Variants in STK38L observed in about 807,000 individuals in gnomAD.
The protein encoded by STK38L is serine/threonine-protein kinase 38-like.
A neutral mutation model predicts 59.7 loss-of-function variants in STK38L; 28 were observed. The ratio of observed to expected loss-of-function variants is 0.47; its 90% CI spans 0.35 to 0.64. The LOEUF is 0.64. Among genes scored for constraint, STK38L ranks in the 30% least tolerant of loss-of-function variants. The pLI is 0.01. For missense variants in STK38L, 314 were observed against 555.8 expected (o/e 0.56, Z 4.37); for synonymous variants, 162 against 176.8 (o/e 0.92, Z 0.66).
chr12:27,302,465 T>C (rs1944198622), intron 3 of STK38L: 1 of 236,376 alleles, frequency 4.2e-6, no homozygotes, highest in South Asian at 1.5e-4. Flanking sequence ...AATCAATCGT[T>C]AGCTTTTCTA....
chr12:27,257,512 C>T (rs931939266), intron 1 of STK38L, among the ~76,000 whole-genome samples: 1 of 152,220 alleles, frequency 6.6e-6, no homozygotes, highest in Non-Finnish European at 1.5e-5. Flanking sequence ...CTATAACCTA[C>T]TCACTTTTGA....
At chr12:27,291,690 C>T (rs1452897502) in intron 1 of STK38L, among the ~76,000 whole-genome samples, 1 of 152,152 alleles carries the variant, frequency 6.6e-6, no homozygotes, top group African/African-American at 2.4e-5. Context: ...TCGTTAGGGA[C>T]CCAGTTTATA....
At chr12:27,268,419 T>C (rs1483308042) in intron 1 of STK38L, among the ~76,000 whole-genome samples, 2 of 152,216 alleles carry the variant, frequency 1.3e-5, no homozygotes, top group Non-Finnish European at 2.9e-5. Context: ...GTTTCCAGCT[T>C]CATCCATGTC....
chr12:27,317,760 A>G (rs1944621610), intron 10 of STK38L, 136 bp from the exon 11 acceptor site: 1 of 1,072,944 alleles, frequency 9.3e-7, no homozygotes, highest in East Asian at 2.4e-5. Flanking sequence ...GTGATTGTAA[A>G]TTGATGAATG....
chr12:27,298,241 C>G (rs1320420258), intron 2 of STK38L: 1 of 155,422 alleles, frequency 6.4e-6, no homozygotes, highest in East Asian at 1.9e-4. Context: ...AGTTCAAGAC[C>G]AGCCTGGCCA....
At chr12:27,246,265 G>A (rs1232907374) in intron 1 of STK38L, among the ~76,000 whole-genome samples, 1 of 152,170 alleles carries the variant, frequency 6.6e-6, no homozygotes, top group Non-Finnish European at 1.5e-5. Flanking sequence ...TTGTGTTAGT[G>A]AAATTGGATA....
intron 10 of STK38L, chr12:27,317,664 G>A (rs1310120148): frequency 1.1e-5 from 8 of 710,730 alleles, no homozygotes; most frequent in East Asian, 5.5e-5. Flanking sequence ...AAACTCCCAC[G>A]TATAAAAGTG....
chr12:27,267,578 G>T (rs989407791), intron 1 of STK38L, among the ~76,000 whole-genome samples: 5 of 152,208 alleles, frequency 3.3e-5, no homozygotes, highest in Admixed American at 6.5e-5. Context: ...TTCTGCATGT[G>T]CAGGAGTATT....
intron 1 of STK38L, among the ~76,000 whole-genome samples, chr12:27,291,722 A>T (rs1260041113): frequency 6.6e-6 from 1 of 152,212 alleles, no homozygotes; most frequent in Non-Finnish European, 1.5e-5. Flanking sequence ...CTGAGGACTT[A>T]TTGTAGCCTA....
Position 27,302,131 on chromosome 12 carries a change from GA to G in STK38L, c.135-2del, listed in dbSNP as rs1193785680. On this transcript the variant is annotated splice_region_variant and splice_polypyrimidine_tract_variant and intron_variant, in intron 2 of 13. Coordinates refer to ENST00000389032, the MANE Select transcript of STK38L (RefSeq NM_015000.4). ...TTAAAATTTAATTTTTTTTTCCTTT[GA>G]AAAGGCAGAAGAAATTAGAAGTGGC... is the stretch of plus-strand genomic sequence containing the variant. The G allele has an allele frequency of 6.3e-7, 1 of 1,590,612 alleles. No individual in the cohort carries two copies. The highest frequency in any genetic ancestry group is 1.2e-5 in the South Asian group (1 of 86,894).
At chr12:27,284,849 T>G (rs1357311203) in intron 1 of STK38L, among the ~76,000 whole-genome samples, 2 of 152,184 alleles carry the variant, frequency 1.3e-5, no homozygotes, top group Admixed American at 6.5e-5. Flanking sequence ...CCTCAAAGTT[T>G]TTTGTATTCT....
At chr12:27,245,925 G>A (rs1460929047) in intron 1 of STK38L, 1 of 152,150 alleles carries the variant, frequency 6.6e-6, no homozygotes, top group Non-Finnish European at 1.5e-5. Context: ...GCAAAGTTGG[G>A]TGTAGTTTTT....
At chr12:27,301,247 G>A (rs184277472) in intron 2 of STK38L, among the ~76,000 whole-genome samples, 1 of 152,132 alleles carries the variant, frequency 6.6e-6, no homozygotes, top group South Asian at 2.1e-4. Flanking sequence ...CTGGTAGCTA[G>A]TGGGTTTTTA....
chr12:27,274,442 A>G (rs956767536), intron 1 of STK38L, among the ~76,000 whole-genome samples: 11 of 152,260 alleles, frequency 7.2e-5, no homozygotes, highest in Admixed American at 5.9e-4. Context: ...AAGATTACAG[A>G]ATGGTGTAAA....
intron 1 of STK38L, among the ~76,000 whole-genome samples, chr12:27,278,700 A>G (rs1195146612): frequency 6.6e-6 from 1 of 152,224 alleles, no homozygotes; most frequent in Non-Finnish European, 1.5e-5. Flanking sequence ...TATAATCAAT[A>G]ACAATGTAAG....
At position 27,308,304 on chromosome 12, in the gene STK38L, TA is replaced by T. The variant is rs757738356; in HGVS notation, c.187-31del. On this transcript the variant is annotated intron_variant, in intron 3 of 13. Coordinates refer to ENST00000389032, the MANE Select transcript of STK38L (RefSeq NM_015000.4). This position sits in a 1 kb window ranked among gnomAD's most constrained non-coding sequence, Gnocchi z 4.5. ...AAGCTCCATCAAAACAACCTAATTA[TA>T]AAATCATCCGTTTAAATTGTTTTTT... is the stretch of plus-strand genomic sequence containing the variant. 2 of 1,488,518 alleles carry T rather than the reference TA, an allele frequency of 1.3e-6. No individual in the cohort carries two copies. The highest frequency in any genetic ancestry group is 1.8e-6 in the Non-Finnish European group (2 of 1,115,408). 92.2% of individuals were successfully genotyped at this position (1,488,518 alleles called of 1,614,324 possible).
At chr12:27,295,280 G>A (rs1386568496) in intron 1 of STK38L, among the ~76,000 whole-genome samples, 1 of 152,198 alleles carries the variant, frequency 6.6e-6, no homozygotes, top group Non-Finnish European at 1.5e-5. Flanking sequence ...GCTTTCCTGT[G>A]TATTATCTCA....
intron 1 of STK38L, among the ~76,000 whole-genome samples, chr12:27,296,454 G>C (rs1163285638): frequency 1.3e-5 from 2 of 152,220 alleles, no homozygotes; most frequent in Non-Finnish European, 2.9e-5. Flanking sequence ...GTTTGCCATA[G>C]ATAATTGTTT....
intron 5 of STK38L, among the ~76,000 whole-genome samples, chr12:27,310,108 A>T (rs1394156522): frequency 6.6e-6 from 1 of 152,154 alleles, no homozygotes; most frequent in Admixed American, 6.6e-5. Flanking sequence ...AGTGAAACCC[A>T]TTGGCATAGC....
Sources: allele counts gnomAD v4.1 joint callset (sites outside exome capture counted in the v4.1 genomes callset), GRCh38; gene constraint gnomAD v4.1.1; non-coding constraint Gnocchi (gnomAD v3.1); transcripts MANE v1.5; gene names NCBI Gene and HGNC (gene_info 2026-07-23, HGNC 2026-07-21).